Variants in FBXL17 observed in about 807,000 individuals in gnomAD.
The protein encoded by FBXL17 is F-box and leucine rich repeat protein 17, also known as F-box/LRR-repeat protein 17.
In FBXL17, 22 loss-of-function variants were observed where a neutral mutation model predicts 66.2. That is an observed-to-expected ratio of 0.33 (90% CI 0.24 to 0.47). The LOEUF is 0.47. FBXL17 is among the 20% of genes least tolerant of loss of function. FBXL17 has a pLI of 1.00. For synonymous variants in FBXL17, 474 were observed against 400.5 expected, an observed-to-expected ratio of 1.18 and a Z score of -2.19; for missense variants, 878 against 948.2, an observed-to-expected ratio of 0.93 and a Z score of 0.97.
At chr5:108,267,068 T>C (rs1397335716) in intron 4 of FBXL17, among the ~76,000 whole-genome samples, 1 of 152,112 alleles carries the variant, frequency 6.6e-6, no homozygotes, top group Non-Finnish European at 1.5e-5. Flanking sequence ...CTTTTTACTA[T>C]TAAAGGTATT....
intron 4 of FBXL17, among the ~76,000 whole-genome samples, chr5:108,316,700 A>T (rs1759380237): frequency 6.6e-6 from 1 of 151,336 alleles, no homozygotes; most frequent in Non-Finnish European, 1.5e-5. Context: ...ATTTTTAAAC[A>T]GTATAATAAT....
At chr5:108,151,702 C>T (rs943575809) in intron 6 of FBXL17, among the ~76,000 whole-genome samples, 2 of 152,136 alleles carry the variant, frequency 1.3e-5, no homozygotes, top group Non-Finnish European at 2.9e-5. Flanking sequence ...TTCTATTACG[C>T]AAAATGGAAA....
At chr5:107,957,880 G>A (rs1441003991) in intron 7 of FBXL17, among the ~76,000 whole-genome samples, 1 of 152,118 alleles carries the variant, frequency 6.6e-6, no homozygotes, top group Admixed American at 6.6e-5. Context: ...TGTTCACAGA[G>A]CAGTTTTAAG....
intron 7 of FBXL17, among the ~76,000 whole-genome samples, chr5:107,930,931 A>T (rs1750707825): frequency 6.6e-6 from 1 of 152,180 alleles, no homozygotes; most frequent in Non-Finnish European, 1.5e-5. Context: ...ATTGTTCAGC[A>T]TCTTTTGGAA....
intron 5 of FBXL17, among the ~76,000 whole-genome samples, chr5:108,212,824 T>C (rs1365184639): frequency 6.6e-6 from 1 of 152,328 alleles, no homozygotes; most frequent in South Asian, 2.1e-4. Context: ...GTCTGATCCT[T>C]AGCAGAGGTT....
At chr5:108,081,761 A>C (rs546457006) in intron 6 of FBXL17, among the ~76,000 whole-genome samples, 11 of 152,176 alleles carry the variant, frequency 7.2e-5, no homozygotes, top group Middle Eastern at 3.4e-3. Context: ...CAGTAACAGG[A>C]TCTCCTTACA....
chr5:107,981,197 G>A (rs1194936804), intron 7 of FBXL17, among the ~76,000 whole-genome samples: 1 of 152,142 alleles, frequency 6.6e-6, no homozygotes, highest in Non-Finnish European at 1.5e-5. Context: ...GCTTGAGCAG[G>A]AGTCCATGCT....
At chr5:108,249,049 T>C (rs1209565019) in intron 4 of FBXL17, among the ~76,000 whole-genome samples, 1 of 152,176 alleles carries the variant, frequency 6.6e-6, no homozygotes, top group African/African-American at 2.4e-5. Context: ...CCCTCTTCTC[T>C]TCAGTTTTCT....
intron 6 of FBXL17, among the ~76,000 whole-genome samples, chr5:108,026,981 T>C (rs941532670): frequency 6.6e-6 from 1 of 152,176 alleles, no homozygotes; most frequent in Non-Finnish European, 1.5e-5. Flanking sequence ...TGTCATTTGC[T>C]GATTCTTTCT....
chr5:108,222,347 A>C (rs2966803), intron 5 of FBXL17, among the ~76,000 whole-genome samples: 113,571 of 152,048 alleles, frequency 0.75, 42,774 homozygotes, highest in East Asian at 0.93. Flanking sequence ...TTACTCTACA[A>C]CATAAACAGC....
At chr5:107,935,472 A>C (rs765276297) in intron 7 of FBXL17, among the ~76,000 whole-genome samples, 13 of 151,230 alleles carry the variant, frequency 8.6e-5, no homozygotes, top group Non-Finnish European at 1.5e-4. Context: ...ATTGTGTTTA[A>C]CGTCTTTTAA....
intron 5 of FBXL17, among the ~76,000 whole-genome samples, chr5:108,193,738 T>C (rs1233844879): frequency 1.3e-5 from 2 of 152,138 alleles, no homozygotes; most frequent in East Asian, 3.9e-4. Flanking sequence ...GCTAGTACTA[T>C]GAAAATAGGA....
chr5:108,056,076 T>TGTC (rs1554060779), intron 6 of FBXL17, among the ~76,000 whole-genome samples: 1 of 152,218 alleles, frequency 6.6e-6, no homozygotes, highest in Non-Finnish European at 1.5e-5. Flanking sequence ...TTTTTCAACA[T>TGTC]GACTGATTAT....
At chr5:108,101,193 C>T (rs878956801) in intron 6 of FBXL17, among the ~76,000 whole-genome samples, 34 of 152,348 alleles carry the variant, frequency 2.2e-4, no homozygotes, top group African/African-American at 8.2e-4. Flanking sequence ...CAGAGCTTTG[C>T]TTTCAAAGTT....
chr5:108,015,508 A>C (rs1754350003), intron 7 of FBXL17, among the ~76,000 whole-genome samples: 1 of 152,224 alleles, frequency 6.6e-6, no homozygotes, highest in Non-Finnish European at 1.5e-5. Flanking sequence ...TGAAAAAAAC[A>C]GGAATTTCAT....
At chr5:108,058,027 T>C (rs1411802304) in intron 6 of FBXL17, among the ~76,000 whole-genome samples, 1 of 152,200 alleles carries the variant, frequency 6.6e-6, no homozygotes, top group Admixed American at 6.5e-5. Context: ...AAAGTAGCAA[T>C]GAATTAGTAA....
intron 4 of FBXL17, among the ~76,000 whole-genome samples, chr5:108,263,378 T>A (rs1174420615): frequency 6.6e-6 from 1 of 152,078 alleles, no homozygotes; most frequent in African/African-American, 2.4e-5. Context: ...AAAAAAACAA[T>A]AAAATGTTTA....
intron 6 of FBXL17, among the ~76,000 whole-genome samples, chr5:108,120,676 C>A (rs1317242124): frequency 6.6e-6 from 1 of 151,960 alleles, no homozygotes; most frequent in East Asian, 1.9e-4. Flanking sequence ...TACAAAAAAA[C>A]ATAAAAATCA....
intron 7 of FBXL17, among the ~76,000 whole-genome samples, chr5:107,934,134 A>G (rs1046991472): frequency 7.9e-5 from 12 of 152,098 alleles, no homozygotes; most frequent in Non-Finnish European, 1.6e-4. Context: ...CTCTAATTTT[A>G]TTTACCTTTT....
Sources: gnomAD v4.1 joint callset for allele counts (sites outside exome capture counted in the v4.1 genomes callset) on GRCh38, gnomAD v4.1.1 for gene constraint, MANE v1.5 for transcripts, NCBI Gene and HGNC (gene_info 2026-07-23, HGNC 2026-07-21) for gene names.